The following ATP7B variants were observed in gnomAD, a reference collection of about 807,000 sequenced individuals.
The protein encoded by ATP7B is copper-transporting ATPase 2.
In ATP7B, 113 loss-of-function variants were observed where a neutral mutation model predicts 118.9. The ratio of observed to expected loss-of-function variants is 0.95; its 90% CI spans 0.82 to 1.11. The LOEUF is 1.11. Among genes scored for constraint, ATP7B ranks in the 50% most tolerant of loss-of-function variants. The probability of loss-of-function intolerance (pLI) is 0.00; values close to 1 mark genes in which losing one functional copy is unlikely to be tolerated. For missense variants in ATP7B, 1,867 were observed against 1,871.4 expected (o/e 1.00, Z 0.04); for synonymous variants, 777 against 727.4 (o/e 1.07, Z -1.10).
intron 1 of ATP7B, among the ~76,000 whole-genome samples, chr13:51,990,060 G>T: frequency 6.6e-6 from 1 of 151,584 alleles, no homozygotes; most frequent in East Asian, 1.9e-4. Context: ...CTTAGAAAAA[G>T]AAATATTAAG....
At chr13:51,986,241 C>T (rs754540595) in intron 1 of ATP7B, among the ~76,000 whole-genome samples, 50 of 152,060 alleles carry the variant, frequency 3.3e-4, no homozygotes, top group Non-Finnish European at 2.1e-4. Context: ...ATATCACCAC[C>T]GATCCCACAG....
At chr13:51,978,337 T>C (rs986415722) in intron 1 of ATP7B, among the ~76,000 whole-genome samples, 2 of 152,194 alleles carry the variant, frequency 1.3e-5, no homozygotes, top group African/African-American at 4.8e-5. Context: ...AAGAAATGCA[T>C]ATGGTTTTTA....
chr13:51,976,720 T>C (rs1225629373), intron 1 of ATP7B, among the ~76,000 whole-genome samples: 1 of 152,216 alleles, frequency 6.6e-6, no homozygotes, highest in Non-Finnish European at 1.5e-5. Flanking sequence ...GTTACTGTAC[T>C]GAATACTGTA....
At chr13:51,950,228 T>C in intron 10 of ATP7B, 44 bp downstream of exon 10, 1 of 1,614,206 alleles carries the variant, frequency 6.2e-7, no homozygotes, top group Non-Finnish European at 8.5e-7. Flanking sequence ...ACCTGACAGC[T>C]GCTATGATAT....
Position 51,934,281 on chromosome 13 carries a change from C to T in ATP7B, c.*475G>A, listed in dbSNP as rs927381605. 1.2e-5 allele frequency: 3 copies of T among 257,254 alleles called. No homozygotes were observed. The highest frequency in any genetic ancestry group is 1.8e-4 in the East Asian group (2 of 11,234). The allele number at this position is 257,254 out of a possible 1,614,324, so 15.9% of individuals were successfully genotyped here. On this transcript the variant is annotated 3_prime_UTR_variant, in exon 21 of 21. Transcript: ENST00000242839. ...AACAGACTATGCAGGAAGAAAGCAA[C>T]AGGCACACCTGAGGTAAACTGTGGT...
At chr13:51,989,088 G>C (rs542288988) in intron 1 of ATP7B, among the ~76,000 whole-genome samples, 2 of 152,160 alleles carry the variant, frequency 1.3e-5, no homozygotes, top group Admixed American at 1.3e-4. Context: ...ATACATGTTT[G>C]AAAACAAATG....
chr13:51,971,278 T>C (rs1951829430), intron 2 of ATP7B, among the ~76,000 whole-genome samples: 1 of 152,354 alleles, frequency 6.6e-6, no homozygotes, highest in East Asian at 1.9e-4. Flanking sequence ...ATTTTTACTA[T>C]ACATATGTCA....
intron 9 of ATP7B, among the ~76,000 whole-genome samples, chr13:51,954,262 C>A (rs530285475): frequency 6.6e-6 from 1 of 152,236 alleles, no homozygotes; most frequent in African/African-American, 2.4e-5. Flanking sequence ...TGGAGCACAA[C>A]GCAGGGGATG....
chr13:51,975,108 C>CA lies in ATP7B; in HGVS notation c.111dup (p.Ala38CysfsTer3), dbSNP rs1555296939. 14 of 1,614,230 alleles carry CA rather than the reference C, an allele frequency of 8.7e-6. No individual in the cohort carries two copies. The highest frequency in any genetic ancestry group is 1.2e-5 in the Non-Finnish European group (14 of 1,180,036). ...CCTTCATAGCCAACATTGTCAAAAG[C>CA]AAAACTCTTCTTCATTGCTGGTTCC... On this transcript the variant is annotated frameshift_variant, in exon 2 of 21. Coordinates refer to ENST00000242839, the MANE Select transcript of ATP7B (RefSeq NM_000053.4). LOFTEE classifies it high-confidence loss of function.
intron 9 of ATP7B, among the ~76,000 whole-genome samples, chr13:51,954,725 A>C (rs1958226042): frequency 2.0e-5 from 3 of 152,136 alleles, no homozygotes; most frequent in Admixed American, 2.0e-4. Flanking sequence ...TTTGGGGAAA[A>C]AGTGGGGGAA....
In ATP7B at chr13:52,011,256, C is replaced by T. The variant is rs116654819; in HGVS notation, c.51+31G>A. On this transcript the variant is annotated intron_variant, in intron 1 of 20. Transcript: ENST00000242839. ...AAAATCCTCCTGGTGGGAGTGAGCA[C>T]GCTGCGCGGACGCGGGGGAACAAAA... 315 of 1,614,148 alleles carry T rather than the reference C, an allele frequency of 2.0e-4. No homozygotes were observed. The African/African-American group carries it at 3.7e-3, about 19-fold the overall frequency.
In ATP7B at chr13:51,934,740, C is replaced by T. The variant is rs193922100; in HGVS notation, c.*16G>A. On this transcript the variant is annotated 3_prime_UTR_variant, in exon 21 of 21. Coordinates refer to ENST00000242839, the MANE Select transcript of ATP7B (RefSeq NM_000053.4). ...GTGGAGGCAAGTCCCTGCCCCGGCC[C>T]GCCTGCCTGAAGTCATCAGATGTAC... is the stretch of plus-strand genomic sequence containing the variant. 1.1e-3 allele frequency: 1,812 copies of T among 1,612,330 alleles called. 2 individuals carry two copies. The highest frequency in any genetic ancestry group is 1.3e-3 in the Non-Finnish European group (1,523 of 1,180,034).
chr13:51,961,782 G>A, intron 6 of ATP7B, 55 bp downstream of exon 6: 3 of 1,550,912 alleles, frequency 1.9e-6, no homozygotes, highest in Non-Finnish European at 2.7e-6. Flanking sequence ...GTTGGGCCCA[G>A]GTAGAGGAAG....
chr13:51,975,697 G>A (rs752114661), intron 1 of ATP7B: 9 of 438,584 alleles, frequency 2.1e-5, no homozygotes, highest in Non-Finnish European at 3.7e-5. Flanking sequence ...CTTAGCAGAG[G>A]TTAAATGTGC....
chr13:51,937,744 A>G, intron 17 of ATP7B, 65 bp from the exon 18 acceptor site: 1 of 1,570,302 alleles, frequency 6.4e-7, no homozygotes, highest in East Asian at 2.2e-5. Context: ...AGAAACCTCA[A>G]GTTACCCTTG....
At chr13:51,990,418 T>G (rs367554325) in intron 1 of ATP7B, among the ~76,000 whole-genome samples, 1 of 151,256 alleles carries the variant, frequency 6.6e-6, no homozygotes, top group African/African-American at 2.4e-5. Context: ...GAAATCTATG[T>G]CATGGTTTTT....
At chr13:51,971,033 G>A (rs376732897) in intron 2 of ATP7B, among the ~76,000 whole-genome samples, 7 of 152,140 alleles carry the variant, frequency 4.6e-5, no homozygotes, top group African/African-American at 7.2e-5. Context: ...GAGCTACCCC[G>A]TAACTTCACC....
chr13:51,975,034 G>A lies in ATP7B; in HGVS notation c.186C>T (p.Val62=), dbSNP rs1187762934. ...GPSSQVATST[V]RILGMTCQSC... is the part of the protein sequence containing the mutation. The stretch of plus-strand genomic sequence containing the variant: ...ACTGGCAAGTCATGCCCAAGATCCT[G>A]ACTGTGCTGGTGGCCACCTGAGAAG... Residue 62 remains valine, a synonymous_variant, in exon 2 of 21, where the codon GTC becomes GTT. Transcript: ENST00000242839. 1.9e-6 allele frequency: 3 copies of A among 1,614,218 alleles called. No homozygotes were observed. In the Admixed American group the frequency reaches 5.0e-5, roughly 27 times the overall value.
rs1022156302 is a variant in ATP7B at position 52,001,550 on chromosome 13, A to G, written c.51+9737T>C. 6.6e-5 allele frequency among the ~76,000 whole-genome samples: 10 copies of G among 152,040 alleles called. 1 individual carries two copies. The South Asian group carries it at 1.5e-3, about 22-fold the overall frequency. ...TAGAAATACCTCCCTCCAACATCCC[A>G]TATCCAAAGGGCTCACTTCCTCACC... On this transcript the variant is annotated intron_variant, in intron 1 of 20. Transcript: ENST00000242839.
Sources: gnomAD v4.1 joint callset for allele counts (sites outside exome capture counted in the v4.1 genomes callset) on GRCh38, gnomAD v4.1.1 for gene constraint, MANE v1.5 for transcripts, NCBI Gene and HGNC (gene_info 2026-07-23, HGNC 2026-07-21) for gene names.